DCDC2: variants seen among roughly 807,000 people sequenced by gnomAD.
The protein encoded by DCDC2 is doublecortin domain containing 2, also known as doublecortin domain-containing protein 2.
DCDC2 carries 40 observed loss-of-function variants against 50.2 expected under a neutral mutation model. The observed-to-expected ratio is 0.80, with a 90% confidence interval of 0.62 to 1.04. DCDC2 has a LOEUF of 1.04. Among genes scored for constraint, DCDC2 ranks in the 50% least tolerant of loss-of-function variants. The probability of loss-of-function intolerance (pLI) is 0.00; values close to 1 mark genes in which losing one functional copy is unlikely to be tolerated. For synonymous variants in DCDC2, 234 were observed against 210.6 expected (o/e 1.11, Z -0.96); for missense variants, 570 against 581.9 (o/e 0.98, Z 0.21).
chr6:24,329,093 T>C (rs1759923302), intron 2 of DCDC2, among the ~76,000 whole-genome samples: 1 of 152,036 alleles, frequency 6.6e-6, no homozygotes, highest in Non-Finnish European at 1.5e-5. Context: ...CTCTCAATGA[T>C]AAACAACGCA....
intron 7 of DCDC2, among the ~76,000 whole-genome samples, chr6:24,251,888 C>T (rs190416666): frequency 6.6e-6 from 1 of 152,238 alleles, no homozygotes; most frequent in Admixed American, 6.5e-5. Context: ...AAAAATGTTA[C>T]ATTCACCACA....
Position 24,178,377 on chromosome 6 carries a change from G to A in DCDC2, c.1279C>T (p.Leu427=), listed in dbSNP as rs1347196636. Residue 427 remains leucine, a synonymous_variant, in exon 9 of 10, where the codon CTA becomes TTA. Transcript: ENST00000378454. ...CCTTGAGACTTTCTTTCCTTGTCTA[G>A]GACCAGTTGAAGCTCATTATTAACC... ...QQVNNELQLV[L]DKERKSQGAG... is the part of the protein sequence containing the mutation. 1.2e-6 allele frequency: 2 copies of A among 1,614,096 alleles called. No individual in the cohort carries two copies. The highest frequency in any genetic ancestry group is 1.7e-6 in the Non-Finnish European group (2 of 1,180,014).
At chr6:24,220,001 C>A (rs1490469931) in intron 7 of DCDC2, among the ~76,000 whole-genome samples, 1 of 152,198 alleles carries the variant, frequency 6.6e-6, no homozygotes, top group Non-Finnish European at 1.5e-5. Flanking sequence ...CCTGTTCTTT[C>A]TTAATTATAT....
chr6:24,204,228 G>A (rs543498788), intron 8 of DCDC2, among the ~76,000 whole-genome samples: 1 of 152,226 alleles, frequency 6.6e-6, no homozygotes, highest in South Asian at 2.1e-4. Flanking sequence ...CAAAGACTTG[G>A]AACCAACCCA....
the DCDC2 span, chr6:24,365,823 G>T: frequency 6.6e-6 from 1 of 152,056 alleles, no homozygotes; most frequent in Non-Finnish European, 1.5e-5. Flanking sequence ...TGTTGTTGTT[G>T]TTGTTGTTTT....
the DCDC2 span, among the ~76,000 whole-genome samples, chr6:24,369,141 A>G: frequency 1.3e-5 from 2 of 150,308 alleles, no homozygotes; most frequent in Non-Finnish European, 2.9e-5. Flanking sequence ...CTCAAAAAAA[A>G]AAAAAAAAAA....
At chr6:24,231,056 C>T (rs574318421) in intron 7 of DCDC2, among the ~76,000 whole-genome samples, 22 of 152,320 alleles carry the variant, frequency 1.4e-4, no homozygotes, top group Admixed American at 5.2e-4. Flanking sequence ...GGAAGGCCCA[C>T]GTTGTCTGCC....
rs558379787 is a variant in DCDC2 at position 24,178,765 on chromosome 6, T to C, written c.1024-133A>G. 8.8e-5 allele frequency: 78 copies of C among 890,014 alleles called. 1 individual carries two copies. The East Asian group carries it at 1.6e-3, about 19-fold the overall frequency. 55.1% of individuals were successfully genotyped at this position (890,014 alleles called of 1,614,324 possible). The stretch of plus-strand genomic sequence containing the variant: ...TACATTTGCATAGTACTTTACAGTA[T>C]AGAACGCACTTACGTTTACTGAGTA... On this transcript the variant is annotated intron_variant, in intron 8 of 9. Transcript: ENST00000378454.
chr6:24,200,978 A>C (rs1025970848), intron 8 of DCDC2, among the ~76,000 whole-genome samples: 1 of 152,214 alleles, frequency 6.6e-6, no homozygotes, highest in South Asian at 2.1e-4. Flanking sequence ...ATATGAACCC[A>C]ATACAGGAGC....
chr6:24,218,618 GC>G (rs1762030849), intron 7 of DCDC2, among the ~76,000 whole-genome samples: 2 of 152,066 alleles, frequency 1.3e-5, no homozygotes, highest in Non-Finnish European at 2.9e-5. Context: ...CTCCTGAATA[GC>G]TGGGACTACG....
At chr6:24,285,736 AT>A (rs1243037574) in intron 6 of DCDC2, among the ~76,000 whole-genome samples, 4 of 152,326 alleles carry the variant, frequency 2.6e-5, no homozygotes, top group South Asian at 2.1e-4. Flanking sequence ...TTTAATTAAA[AT>A]TTTAGTTTTT....
chr6:24,364,957 CAATT>C, the DCDC2 span, among the ~76,000 whole-genome samples: 1 of 152,142 alleles, frequency 6.6e-6, no homozygotes, highest in Non-Finnish European at 1.5e-5. Context: ...GTCACCTTTA[CAATT>C]GGTTTTCACA....
At chr6:24,369,133 C>CAAAAAAAAAAAAAA in the DCDC2 span, among the ~76,000 whole-genome samples, 18 of 92,774 alleles carry the variant, frequency 1.9e-4, no homozygotes, top group African/African-American at 8.2e-4. Context: ...GACTCTGTCT[C>CAAAAAAAAAAAAAA]AAAAAAAAAA....
intron 2 of DCDC2, among the ~76,000 whole-genome samples, chr6:24,319,594 G>T (rs1759735668): frequency 6.6e-6 from 1 of 152,100 alleles, no homozygotes; most frequent in Non-Finnish European, 1.5e-5. Context: ...ATTTTCCCAA[G>T]ACATTTTGTT....
At chr6:24,264,844 A>G (rs897037387) in intron 7 of DCDC2, among the ~76,000 whole-genome samples, 4 of 152,088 alleles carry the variant, frequency 2.6e-5, no homozygotes, top group African/African-American at 7.2e-5. Flanking sequence ...TAAAAAAAAA[A>G]AGAGACCTGA....
chr6:24,318,780 CGTGTGTGTGT>C (rs57175093), intron 2 of DCDC2, among the ~76,000 whole-genome samples: 1 of 149,558 alleles, frequency 6.7e-6, no homozygotes, highest in African/African-American at 2.5e-5. Flanking sequence ...TATATACGTA[CGTGTGTGTGT>C]GTGTGTGTGT....
chr6:24,313,380 A>G (rs1028485535), intron 2 of DCDC2, among the ~76,000 whole-genome samples: 10 of 150,556 alleles, frequency 6.6e-5, no homozygotes, highest in African/African-American at 2.0e-4. Flanking sequence ...AGCACTGGGG[A>G]AAAAAAAAAT....
At chr6:24,278,489 G>T (rs1198556562) in intron 6 of DCDC2, among the ~76,000 whole-genome samples, 1 of 152,156 alleles carries the variant, frequency 6.6e-6, no homozygotes, top group Admixed American at 6.5e-5. Context: ...CAATCCTCAT[G>T]CTAGCCCTAG....
intron 8 of DCDC2, among the ~76,000 whole-genome samples, chr6:24,191,241 A>C (rs894853574): frequency 6.6e-6 from 1 of 152,214 alleles, no homozygotes; most frequent in Non-Finnish European, 1.5e-5. Flanking sequence ...GAAGTTCTTC[A>C]TCTTACTTAA....
Sources: gnomAD v4.1 joint callset for allele counts (sites outside exome capture counted in the v4.1 genomes callset) on GRCh38, gnomAD v4.1.1 for gene constraint, MANE v1.5 for transcripts, NCBI Gene and HGNC (gene_info 2026-07-23, HGNC 2026-07-21) for gene names.